CPPED1: variants seen among roughly 807,000 people sequenced by gnomAD.
CPPED1 encodes the protein serine/threonine-protein phosphatase CPPED1.
Under a neutral mutation model 28.0 loss-of-function variants are expected in CPPED1, and 28 were observed. That is an observed-to-expected ratio of 1.00 (90% CI 0.74 to 1.37). CPPED1 has a LOEUF of 1.37. Among genes scored for constraint, CPPED1 ranks in the 40% most tolerant of loss-of-function variants. The pLI is 0.00. For synonymous variants in CPPED1, 198 were observed against 180.2 expected (o/e 1.10, Z -0.79); for missense variants, 504 against 416.5 (o/e 1.21, Z -1.83).
intron 3 of CPPED1, among the ~76,000 whole-genome samples, chr16:12,704,299 A>G (rs78118355): frequency 0.014 from 2,129 of 152,184 alleles, 33 homozygotes; most frequent in African/African-American, 0.032. Context: ...CAGAACTCCA[A>G]TCTTCAACTG....
chr16:12,739,298 G>A (rs2080242353), intron 2 of CPPED1, among the ~76,000 whole-genome samples: 1 of 152,188 alleles, frequency 6.6e-6, no homozygotes, highest in Non-Finnish European at 1.5e-5. Flanking sequence ...CCAAAGTGCT[G>A]GCCAGGCACA....
In CPPED1 at chr16:12,665,199, G is replaced by A. The variant is rs925777763; in HGVS notation, c.716-84C>T. The A allele has an allele frequency of 3.5e-6, 4 of 1,147,654 alleles. No homozygotes were observed. The African/African-American group carries it at 4.8e-5, about 14-fold the overall frequency. 71.1% of individuals were successfully genotyped at this position (1,147,654 alleles called of 1,614,324 possible). The stretch of plus-strand genomic sequence containing the variant: ...TCTCCAGCATTTTATTCTGTGAACA[G>A]TAATATATTAAATATATTATTATAC... On this transcript the variant is annotated intron_variant, in intron 3 of 3. Coordinates refer to ENST00000381774, the MANE Select transcript of CPPED1 (RefSeq NM_018340.3).
chr16:12,724,294 T>C (rs1025027089), intron 2 of CPPED1, among the ~76,000 whole-genome samples: 4 of 152,186 alleles, frequency 2.6e-5, no homozygotes, highest in Non-Finnish European at 4.4e-5. Context: ...GCTCACCCTC[T>C]GTCCTCTGCT....
intron 2 of CPPED1, among the ~76,000 whole-genome samples, 161 bp from the exon 3 acceptor site, chr16:12,705,210 A>G (rs1407293870): frequency 6.6e-6 from 1 of 152,226 alleles, no homozygotes; most frequent in African/African-American, 2.4e-5. Flanking sequence ...GCTAAAAGCA[A>G]ACCAACAAGT....
At chr16:12,706,820 C>T (rs554560459) in intron 2 of CPPED1, among the ~76,000 whole-genome samples, 1 of 152,166 alleles carries the variant, frequency 6.6e-6, no homozygotes, top group African/African-American at 2.4e-5. Flanking sequence ...GACCCCAACT[C>T]CTGCTGCAGG....
At chr16:12,677,066 G>A (rs1032602051) in intron 3 of CPPED1, among the ~76,000 whole-genome samples, 12 of 152,192 alleles carry the variant, frequency 7.9e-5, no homozygotes, top group African/African-American at 2.9e-4. Context: ...AGAGTCAAGT[G>A]TGTCTAGGAA....
Position 12,784,669 on chromosome 16 carries a change from T to C in CPPED1, c.71-3266A>G, listed in dbSNP as rs568001828. Among the ~76,000 whole-genome samples the C allele has an allele frequency of 1.1e-4, 17 of 152,340 alleles. No homozygotes were observed. In the South Asian group the frequency reaches 2.1e-3, roughly 19 times the overall value. ...AATGCTTCTAGCTGTGTTTCTACTT[T>C]TGAGGCTGTTTGCAGAGCCATTTAA... On this transcript the variant is annotated intron_variant, in intron 1 of 3. Coordinates refer to ENST00000381774, the MANE Select transcript of CPPED1 (RefSeq NM_018340.3).
chr16:12,691,892 A>G (rs2079965415), intron 3 of CPPED1, among the ~76,000 whole-genome samples: 1 of 151,260 alleles, frequency 6.6e-6, no homozygotes, highest in African/African-American at 2.5e-5. Context: ...GCAGCACACC[A>G]ACATGGCACA....
At chr16:12,766,693 A>AG (rs1234061399) in intron 2 of CPPED1, among the ~76,000 whole-genome samples, 1 of 152,008 alleles carries the variant, frequency 6.6e-6, no homozygotes, top group Non-Finnish European at 1.5e-5. Flanking sequence ...TGCTTGAACC[A>AG]GGGGGGCGCA....
chr16:12,798,553 C>A (rs1177422995), intron 1 of CPPED1, among the ~76,000 whole-genome samples: 1 of 152,124 alleles, frequency 6.6e-6, no homozygotes, highest in Non-Finnish European at 1.5e-5. Flanking sequence ...CCAGAGAGTA[C>A]AAGGAAAGAT....
intron 1 of CPPED1, among the ~76,000 whole-genome samples, chr16:12,789,824 GC>G (rs1291074408): frequency 2.6e-5 from 4 of 152,230 alleles, no homozygotes; most frequent in African/African-American, 9.6e-5. Flanking sequence ...ACTGCATCCA[GC>G]CTGGTTGCCA....
intron 2 of CPPED1, among the ~76,000 whole-genome samples, chr16:12,767,000 C>T (rs1033228597): frequency 8.0e-6 from 1 of 125,638 alleles, no homozygotes; most frequent in Admixed American, 7.4e-5. Flanking sequence ...CTCAGAGGTC[C>T]TCATTTTTTT....
At chr16:12,785,733 T>C (rs779861686) in intron 1 of CPPED1, among the ~76,000 whole-genome samples, 38 of 151,988 alleles carry the variant, frequency 2.5e-4, no homozygotes, top group Non-Finnish European at 5.0e-4. Flanking sequence ...CACACTCAGA[T>C]GAAAGTGACC....
intron 2 of CPPED1, among the ~76,000 whole-genome samples, chr16:12,721,198 T>G (rs1044639545): frequency 6.6e-6 from 1 of 152,002 alleles, no homozygotes; most frequent in Non-Finnish European, 1.5e-5. Context: ...TCACTGAAAG[T>G]CCATCTCAAT....
intron 2 of CPPED1, among the ~76,000 whole-genome samples, chr16:12,741,291 C>T (rs1267328187): frequency 7.2e-6 from 1 of 138,016 alleles, no homozygotes; most frequent in Non-Finnish European, 1.5e-5. Context: ...AAATCCTCCT[C>T]TGGCTGCCCT....
intron 2 of CPPED1, among the ~76,000 whole-genome samples, chr16:12,759,990 G>A (rs2080398918): frequency 1.3e-5 from 2 of 152,208 alleles, no homozygotes. Flanking sequence ...AAAGCTCCTT[G>A]TTCTGTCTTT....
At chr16:12,684,009 GGAA>G (rs1187231071) in intron 3 of CPPED1, among the ~76,000 whole-genome samples, 1 of 152,102 alleles carries the variant, frequency 6.6e-6, no homozygotes, top group Non-Finnish European at 1.5e-5. Context: ...GTTCCAAGGC[GGAA>G]GAAGAGGTAA....
chr16:12,730,627 C>T (rs933588985), intron 2 of CPPED1, among the ~76,000 whole-genome samples: 6 of 152,208 alleles, frequency 3.9e-5, no homozygotes, highest in African/African-American at 4.8e-5. Context: ...GAACCAATTG[C>T]TGCTACATGT....
chr16:12,748,382 C>T (rs1017775690), intron 2 of CPPED1, among the ~76,000 whole-genome samples: 13 of 152,016 alleles, frequency 8.6e-5, no homozygotes, highest in African/African-American at 1.7e-4. Context: ...ATGTGAGATA[C>T]GATACCATTT....
Sources: allele counts gnomAD v4.1 joint callset (sites outside exome capture counted in the v4.1 genomes callset), GRCh38; gene constraint gnomAD v4.1.1; transcripts MANE v1.5; gene names NCBI Gene and HGNC (gene_info 2026-07-23, HGNC 2026-07-21).